Variants in FKBP4 observed in about 807,000 individuals in gnomAD.
The protein encoded by FKBP4 is peptidyl-prolyl cis-trans isomerase FKBP4.
In FKBP4, 28 loss-of-function variants were observed where a neutral mutation model predicts 54.1. That is an observed-to-expected ratio of 0.52 (90% confidence interval 0.38 to 0.71). FKBP4 has a LOEUF of 0.71. Ranked by LOEUF, FKBP4 falls within the 30% of genes least tolerant of loss-of-function variation. The probability of loss-of-function intolerance (pLI) is 0.00; values close to 1 mark genes in which losing one functional copy is unlikely to be tolerated. For synonymous variants in FKBP4, 223 were observed against 216.1 expected (o/e 1.03, Z -0.28); for missense variants, 493 against 574.4 (o/e 0.86, Z 1.45).
chr12:2,797,573 T>C (rs185324862), intron 2 of FKBP4, among the ~76,000 whole-genome samples, 156 bp from the exon 3 acceptor site: 1 of 152,294 alleles, frequency 6.6e-6, no homozygotes, highest in East Asian at 1.9e-4. Flanking sequence ...TTAGACCTGG[T>C]AGCACTTAAT....
In FKBP4 at chr12:2,803,297, C is replaced by A. The variant is rs1212514113; in HGVS notation, c.*39C>A. On this transcript the variant is annotated 3_prime_UTR_variant, in exon 10 of 10. Transcript: ENST00000001008. ...GCCCTACTCCTGCGGCTGCCTGCCC[C>A]CCAGTCTCCCCACTCCACCCTGTTA... The A allele has an allele frequency of 7.3e-7, 1 of 1,365,478 alleles. No individual in the cohort carries two copies. The highest frequency in any genetic ancestry group is 2.0e-5 in the Admixed American group (1 of 50,872). 84.6% of individuals were successfully genotyped at this position (1,365,478 alleles called of 1,614,324 possible).
rs1419922479 is a variant in FKBP4, at chr12:2,795,998, G to A, written c.105+754G>A. The A allele has an allele frequency of 1.7e-6, 2 of 1,150,224 alleles. No individual in the cohort carries two copies. The highest frequency in any genetic ancestry group is 2.2e-6 in the Non-Finnish European group (2 of 922,284). 71.3% of individuals were successfully genotyped at this position (1,150,224 alleles called of 1,614,324 possible). On this transcript the variant is annotated intron_variant, in intron 1 of 9. Transcript: ENST00000001008. The surrounding 1 kb of genome is among the most constrained non-coding windows in gnomAD (Gnocchi z 4.3). ...GGGCGGGGAGGAGGCGCTCTGCTGT[G>A]GAGCCTGCCGCCGAGTGACCGCTCG...
chr12:2,795,124 G>C lies in FKBP4; in HGVS notation c.-16G>C, dbSNP rs374119103. ...CGCCGGCACCAGCTCCCGGATAAACGGCGCGCCGCGCGGAGATGACAGCCG... is the reference window on the plus strand; with the variant it reads ...CGCCGGCACCAGCTCCCGGATAAACCGCGCGCCGCGCGGAGATGACAGCCG... On this transcript the variant is annotated 5_prime_UTR_variant, in exon 1 of 10. Transcript: ENST00000001008. The surrounding 1 kb of genome is among the most constrained non-coding windows in gnomAD (Gnocchi z 4.3). 7.7e-7 allele frequency: 1 copy of C among 1,294,434 alleles called. No individual in the cohort carries two copies. 80.2% of individuals were successfully genotyped at this position (1,294,434 alleles called of 1,614,324 possible).
intron 5 of FKBP4, 34 bp from the exon 6 acceptor site, chr12:2,799,815 GC>G: frequency 6.3e-7 from 1 of 1,578,992 alleles, no homozygotes; most frequent in Non-Finnish European, 8.7e-7. Flanking sequence ...GTTAAGTGTT[GC>G]CAAGATGATA....
intron 8 of FKBP4, 111 bp from the exon 9 acceptor site, chr12:2,801,006 C>A: frequency 1.4e-6 from 2 of 1,438,330 alleles, no homozygotes; most frequent in Admixed American, 2.1e-5. Flanking sequence ...TGCAGCCAGC[C>A]ACTTGCATTC....
chr12:2,799,274 A>G (rs1337462398), intron 5 of FKBP4, 30 bp downstream of exon 5: 4 of 1,468,084 alleles, frequency 2.7e-6, no homozygotes. Flanking sequence ...TAGGGTAGGC[A>G]GGCAGGCAAA....
chr12:2,801,692 C>A, intron 9 of FKBP4: 1 of 474,526 alleles, frequency 2.1e-6, no homozygotes, highest in South Asian at 1.6e-5. Context: ...AGGTAGAGAC[C>A]TCAGTGACTT....
At chr12:2,797,071 C>A (rs1376366686) in intron 1 of FKBP4, 67 bp from the exon 2 acceptor site, 1 of 1,594,832 alleles carries the variant, frequency 6.3e-7, no homozygotes, top group African/African-American at 1.3e-5. Context: ...TGGAGGCTTG[C>A]AGGCAGTGCT....
At chr12:2,803,078 A>G in intron 9 of FKBP4, 73 bp from the exon 10 acceptor site, 1 of 1,094,046 alleles carries the variant, frequency 9.1e-7, no homozygotes, top group Non-Finnish European at 1.4e-6. Flanking sequence ...GTATCTGTGT[A>G]ATTCTGCTGG....
At position 2,796,134 on chromosome 12, in the gene FKBP4, C is replaced by T. The variant is rs2097901696; in HGVS notation, c.105+890C>T. The T allele has an allele frequency of 2.4e-6, 3 of 1,234,898 alleles. No individual in the cohort carries two copies. In the African/African-American group the frequency reaches 4.7e-5, roughly 19 times the overall value. 76.5% of individuals were successfully genotyped at this position (1,234,898 alleles called of 1,614,324 possible). On this transcript the variant is annotated intron_variant, in intron 1 of 9. Transcript: ENST00000001008. ...GAATCAGAGATGGTGAATTCCCAGC[C>T]TGCGTCTTATGCCTTCTCCCCATCC...
At chr12:2,796,863 T>G (rs1157233170) in intron 1 of FKBP4, 8 of 1,240,096 alleles carry the variant, frequency 6.5e-6, no homozygotes, top group Non-Finnish European at 8.1e-6. Flanking sequence ...GTGTGGAGAA[T>G]TTTAAAAACT....
At position 2,803,144 on chromosome 12, in the gene FKBP4, C is replaced by A. The variant is rs373435066; in HGVS notation, c.1273-7C>A. Reference sequence around the variant, plus strand: ...GTCAGCCCGTTTGCTGTTCATCTTCCTTGCAGGCCAAGGCAGAGGCTTCCT... The same window carrying A: ...GTCAGCCCGTTTGCTGTTCATCTTCATTGCAGGCCAAGGCAGAGGCTTCCT... On this transcript the variant is annotated splice_polypyrimidine_tract_variant and splice_region_variant and intron_variant, in intron 9 of 9. Transcript: ENST00000001008. 3.2e-4 allele frequency: 507 copies of A among 1,593,802 alleles called. No homozygotes were observed. Among genetic ancestry groups the A allele is most frequent in the Middle Eastern group, 1.8e-3 (11 of 5,952 alleles).
intron 9 of FKBP4, 81 bp from the exon 10 acceptor site, chr12:2,803,070 A>C: frequency 2.0e-6 from 2 of 992,704 alleles, no homozygotes; most frequent in Non-Finnish European, 3.1e-6. Flanking sequence ...GAATGGGTGT[A>C]TCTGTGTAAT....
intron 2 of FKBP4, 33 bp from the exon 3 acceptor site, chr12:2,797,696 C>T (rs1320425494): frequency 6.3e-7 from 1 of 1,593,558 alleles, no homozygotes. Flanking sequence ...CAGAACCCTG[C>T]TAAGGCGGTC....
At chr12:2,801,541 T>C (rs1262738294) in intron 9 of FKBP4, 185 bp downstream of exon 9, 14 of 811,192 alleles carry the variant, frequency 1.7e-5, no homozygotes, top group Non-Finnish European at 2.6e-5. Flanking sequence ...GCGGGAAACC[T>C]ACCCACAAGC....
rs1565399055 is a variant in FKBP4, at chr12:2,803,592, TAAG to T, written c.*337_*339del. The T allele has an allele frequency of 4.5e-6, 1 of 224,268 alleles. No individual in the cohort carries two copies. Among genetic ancestry groups the T allele is most frequent in the African/African-American group, 2.2e-5 (1 of 45,052 alleles). The allele number at this position is 224,268 out of a possible 1,614,324, so 13.9% of individuals were successfully genotyped here. On this transcript the variant is annotated 3_prime_UTR_variant, in exon 10 of 10. Transcript: ENST00000001008. ...GGCAAGTGGTAGGGATGAGGTCTGATAAGAACCCAGGGTGGAGAGGGAGACTCC... is the reference window on the plus strand; with the variant it reads ...GGCAAGTGGTAGGGATGAGGTCTGATAACCCAGGGTGGAGAGGGAGACTCC...
Position 2,803,430 on chromosome 12 carries a change from T to TG in FKBP4, c.*176dup, listed in dbSNP as rs1460114004. ...AAAGGTGTAGGCTGGGGGATTGAGG[T>TG]GGGGAATCATTTTAGCTGGTGTCAG... is the stretch of plus-strand genomic sequence containing the variant. On this transcript the variant is annotated 3_prime_UTR_variant, in exon 10 of 10. Coordinates refer to ENST00000001008, the MANE Select transcript of FKBP4 (RefSeq NM_002014.4). 6.9e-6 allele frequency: 4 copies of TG among 580,752 alleles called. No individual in the cohort carries two copies. Among genetic ancestry groups the TG allele is most frequent in the Non-Finnish European group, 1.2e-5 (4 of 324,184 alleles). The allele number at this position is 580,752 out of a possible 1,614,324, so 36.0% of individuals were successfully genotyped here.
chr12:2,796,824 G>A (rs1253217659), intron 1 of FKBP4: 27 of 1,134,664 alleles, frequency 2.4e-5, no homozygotes, highest in Admixed American at 4.5e-5. Flanking sequence ...GTAGGAGATA[G>A]GGATTATCAT....
rs1248441906 is a variant in FKBP4 at position 2,797,734 on chromosome 12, G to T, written c.256G>T (p.Val86Phe). 1 of 1,612,308 alleles carries T rather than the reference G, an allele frequency of 6.2e-7. No individual in the cohort carries two copies. The highest frequency in any genetic ancestry group is 2.2e-5 in the East Asian group (1 of 44,848). Residue 86 changes from valine (V) to phenylalanine (F), a missense_variant, in exon 3 of 10, where the codon GTC becomes TTC. By Grantham distance (50) the Val-to-Phe change is conservative. Coordinates refer to ENST00000001008, the MANE Select transcript of FKBP4 (RefSeq NM_002014.4). Reference protein sequence around the residue: ...KFSFDLGKGEVIKAWDIAIAT... With the variant: ...KFSFDLGKGEFIKAWDIAIAT... The stretch of plus-strand genomic sequence containing the variant: ...GTTTGCTTCTGTACCTGCAGGGGAG[G>T]TCATCAAGGCTTGGGACATTGCCAT...
Sources: gnomAD v4.1 joint callset for allele counts (sites outside exome capture counted in the v4.1 genomes callset) on GRCh38, gnomAD v4.1.1 for gene constraint, Gnocchi (gnomAD v3.1) non-coding constraint, MANE v1.5 for transcripts, NCBI Gene and HGNC (gene_info 2026-07-23, HGNC 2026-07-21) for gene names.